GALNTL6: variants seen among roughly 807,000 people sequenced by gnomAD.
GALNTL6 encodes polypeptide N-acetylgalactosaminyltransferase like 6.
In GALNTL6, 46 loss-of-function variants were observed where a neutral mutation model predicts 73.7. That is an observed-to-expected ratio of 0.62 (90% confidence interval 0.49 to 0.80). The LOEUF is 0.80. GALNTL6 is among the 30% of genes least tolerant of loss of function. The pLI is 0.00. For synonymous variants in GALNTL6, 259 were observed against 263.7 expected, an observed-to-expected ratio of 0.98 and a Z score of 0.17; for missense variants, 604 against 755.0, an observed-to-expected ratio of 0.80 and a Z score of 2.34.
intron 7 of GALNTL6, among the ~76,000 whole-genome samples, chr4:172,867,428 G>A (rs898403490): frequency 3.9e-5 from 6 of 152,220 alleles, no homozygotes; most frequent in African/African-American, 7.2e-5. Context: ...GGTCTCCAGA[G>A]CAAGAAGAAG....
intron 2 of GALNTL6, among the ~76,000 whole-genome samples, chr4:172,195,687 T>C (rs1735740560): frequency 6.6e-6 from 1 of 152,146 alleles, no homozygotes; most frequent in South Asian, 2.1e-4. Flanking sequence ...CCTGAATGAC[T>C]CTTGGGTGAA....
intron 2 of GALNTL6, among the ~76,000 whole-genome samples, chr4:171,824,907 C>T (rs1734783062): frequency 6.6e-6 from 1 of 152,022 alleles, no homozygotes; most frequent in Admixed American, 6.6e-5. Context: ...TAACTTGAAC[C>T]AAGGTCTCAT....
At chr4:172,385,931 T>G (rs1743452642) in intron 5 of GALNTL6, among the ~76,000 whole-genome samples, 1 of 152,016 alleles carries the variant, frequency 6.6e-6, no homozygotes, top group South Asian at 2.1e-4. Flanking sequence ...ATATATATTT[T>G]TCTAAAGATT....
rs190152819 is a variant in GALNTL6, at chr4:172,825,326, C to T, written c.923+11603C>T. 5.3e-5 allele frequency among the ~76,000 whole-genome samples: 8 copies of T among 152,102 alleles called. No homozygotes were observed. The East Asian group carries it at 7.7e-4, about 15-fold the overall frequency. On this transcript the variant is annotated intron_variant, in intron 7 of 12. Transcript: ENST00000506823. ...AGGCCAGGCTGCCAGTGGAAAGGCT[C>T]GTGCTGGTTGGCCACTCCAGGTTGC...
chr4:172,765,066 C>G (rs1738330319), intron 5 of GALNTL6, among the ~76,000 whole-genome samples: 1 of 152,162 alleles, frequency 6.6e-6, no homozygotes, highest in Non-Finnish European at 1.5e-5. Flanking sequence ...CTCCTGGTTC[C>G]CTTGAGTACT....
intron 5 of GALNTL6, among the ~76,000 whole-genome samples, chr4:172,474,725 T>A (rs1017859864): frequency 6.6e-6 from 1 of 152,238 alleles, no homozygotes; most frequent in African/African-American, 2.4e-5. Flanking sequence ...AGATTTTTAA[T>A]AAATAGTTCT....
At chr4:172,907,574 C>A (rs1746966710) in intron 8 of GALNTL6, among the ~76,000 whole-genome samples, 1 of 152,152 alleles carries the variant, frequency 6.6e-6, no homozygotes. Context: ...TACAGTAGAT[C>A]CCCCTTATCC....
intron 4 of GALNTL6, among the ~76,000 whole-genome samples, chr4:172,331,950 GT>G (rs993847309): frequency 5.3e-5 from 8 of 152,206 alleles, no homozygotes; most frequent in Admixed American, 2.0e-4. Flanking sequence ...TCTCTATACT[GT>G]TTTTCATAGT....
At chr4:172,480,180 ATC>A (rs1268097078) in intron 5 of GALNTL6, among the ~76,000 whole-genome samples, 1 of 152,034 alleles carries the variant, frequency 6.6e-6, no homozygotes, top group African/African-American at 2.4e-5. Flanking sequence ...GGTGGCACAT[ATC>A]TATAGTCCCA....
intron 5 of GALNTL6, among the ~76,000 whole-genome samples, chr4:172,570,780 A>T (rs1278602439): frequency 6.6e-6 from 1 of 152,154 alleles, no homozygotes; most frequent in East Asian, 1.9e-4. Context: ...CGAAATAATT[A>T]TACAACTCAC....
intron 2 of GALNTL6, among the ~76,000 whole-genome samples, chr4:172,111,926 A>G (rs1053623887): frequency 8.5e-5 from 13 of 152,140 alleles, no homozygotes; most frequent in African/African-American, 3.1e-4. Flanking sequence ...TTAACACATT[A>G]TGATCAATCA....
At chr4:171,949,103 G>T (rs567220415) in intron 2 of GALNTL6, among the ~76,000 whole-genome samples, 1 of 152,022 alleles carries the variant, frequency 6.6e-6, no homozygotes, top group Non-Finnish European at 1.5e-5. Context: ...CCTGGCAGCC[G>T]GTTTCTCTGC....
chr4:172,193,430 G>A (rs1735645921), intron 2 of GALNTL6, among the ~76,000 whole-genome samples: 1 of 152,120 alleles, frequency 6.6e-6, no homozygotes, highest in Non-Finnish European at 1.5e-5. Context: ...ACAGCAGCCT[G>A]GCAAAGAAGG....
intron 3 of GALNTL6, among the ~76,000 whole-genome samples, chr4:172,230,204 G>A (rs1245846585): frequency 6.6e-6 from 1 of 152,128 alleles, no homozygotes; most frequent in Non-Finnish European, 1.5e-5. Flanking sequence ...AGGTCAAGCA[G>A]CTGGGGTTCT....
chr4:172,086,584 A>G (rs960756199), intron 2 of GALNTL6, among the ~76,000 whole-genome samples: 2 of 152,284 alleles, frequency 1.3e-5, no homozygotes, highest in East Asian at 3.9e-4. Flanking sequence ...CAGAGTTGAG[A>G]TTAACTGGCG....
intron 4 of GALNTL6, among the ~76,000 whole-genome samples, chr4:172,346,344 C>G (rs1297638055): frequency 6.6e-6 from 1 of 152,164 alleles, no homozygotes; most frequent in Non-Finnish European, 1.5e-5. Context: ...TTATTTGAAA[C>G]CTTCAATATG....
intron 2 of GALNTL6, among the ~76,000 whole-genome samples, chr4:171,853,813 T>C (rs912271745): frequency 3.3e-5 from 5 of 151,936 alleles, no homozygotes; most frequent in African/African-American, 1.2e-4. Flanking sequence ...GGTTTCACCA[T>C]GTTGGCCAGG....
chr4:172,734,981 G>T (rs76922155), intron 5 of GALNTL6, among the ~76,000 whole-genome samples: 1 of 152,336 alleles, frequency 6.6e-6, no homozygotes, highest in African/African-American at 2.4e-5. Context: ...AAAGGCAGGG[G>T]TGTGCTGCAG....
intron 12 of GALNTL6, among the ~76,000 whole-genome samples, chr4:173,024,426 T>C (rs1178232957): frequency 6.6e-6 from 1 of 152,224 alleles, no homozygotes; most frequent in Non-Finnish European, 1.5e-5. Flanking sequence ...GACTCAGGCC[T>C]ATTCAGACAC....
Sources: gnomAD v4.1 joint callset for allele counts (sites outside exome capture counted in the v4.1 genomes callset) on GRCh38, gnomAD v4.1.1 for gene constraint, MANE v1.5 for transcripts, NCBI Gene and HGNC (gene_info 2026-07-23, HGNC 2026-07-21) for gene names.